The following APP variants were observed in gnomAD, a reference collection of about 807,000 sequenced individuals.
APP encodes amyloid-beta precursor protein.
Under a neutral mutation model 101.4 loss-of-function variants are expected in APP, and 31 were observed. That is an observed-to-expected ratio of 0.31 (90% CI 0.23 to 0.41). The LOEUF is 0.41. Ranked by LOEUF, APP falls within the 10% of genes least tolerant of loss-of-function variation. APP has a pLI of 1.00. For synonymous variants in APP, 366 were observed against 364.4 expected (o/e 1.00, Z -0.05); for missense variants, 839 against 1,003.7 (o/e 0.84, Z 2.22).
intron 2 of APP, among the ~76,000 whole-genome samples, chr21:26,102,103 T>TTC (rs2062072273): frequency 4.0e-5 from 1 of 25,048 alleles, no homozygotes; most frequent in Non-Finnish European, 1.1e-4. Context: ...TTTTTTTTTT[T>TTC]TGGAGCCGGA....
intron 2 of APP, among the ~76,000 whole-genome samples, chr21:26,093,774 A>G (rs2061877385): frequency 6.6e-6 from 1 of 152,182 alleles, no homozygotes; most frequent in Admixed American, 6.5e-5. Context: ...TCTCTCTATA[A>G]CACCAACAAT....
intron 3 of APP, among the ~76,000 whole-genome samples, chr21:26,083,978 C>T (rs536032810): frequency 1.3e-5 from 2 of 152,122 alleles, no homozygotes; most frequent in African/African-American, 2.4e-5. Context: ...AAAGAGGACA[C>T]AATACCAGGT....
intron 17 of APP, among the ~76,000 whole-genome samples, chr21:25,889,453 C>T (rs1404066799): frequency 6.6e-6 from 1 of 152,170 alleles, no homozygotes; most frequent in African/African-American, 2.4e-5. Flanking sequence ...GTTATGGAAG[C>T]CCGAGGAAGC....
intron 1 of APP, among the ~76,000 whole-genome samples, chr21:26,146,544 C>T (rs1030600919): frequency 2.6e-5 from 4 of 152,046 alleles, no homozygotes; most frequent in Non-Finnish European, 4.4e-5. Context: ...TTCTGTTAGA[C>T]ATCCACACTG....
At chr21:25,995,078 CAA>C (rs959847586) in intron 8 of APP, among the ~76,000 whole-genome samples, 3 of 151,474 alleles carry the variant, frequency 2.0e-5, no homozygotes, top group Non-Finnish European at 2.9e-5. Flanking sequence ...GAGAAAATTA[CAA>C]AAGAGACTTT....
chr21:26,051,101 G>T lies in APP; in HGVS notation c.561C>A (p.Cys187Ter). 1 of 1,614,132 alleles carries T rather than the reference G, an allele frequency of 6.2e-7. No homozygotes were observed. Among genetic ancestry groups the T allele is most frequent in the Non-Finnish European group, 8.5e-7 (1 of 1,180,040 alleles). ...CATTGTCACTTTCTTCAGCCAGTGGGCAACACACAAACTCTACCCCTCGGA... is the reference window on the plus strand; with the variant it reads ...CATTGTCACTTTCTTCAGCCAGTGGTCAACACACAAACTCTACCCCTCGGA... ...DKFRGVEFVC[C>*]PLAEESDNVD... The change falls in exon 5 of 18, where the codon TGC becomes TGA. Residue 187 changes from cysteine to a stop codon, truncating the protein, a stop_gained. Transcript: ENST00000346798. LOFTEE classifies it high-confidence loss of function.
intron 1 of APP, among the ~76,000 whole-genome samples, chr21:26,161,496 T>C (rs752428921): frequency 3.3e-5 from 5 of 152,174 alleles, no homozygotes; most frequent in African/African-American, 4.8e-5. Context: ...CTCGAAAATA[T>C]TTGTGAAATG....
chr21:26,105,665 A>G (rs1282605013), intron 2 of APP, among the ~76,000 whole-genome samples: 1 of 152,220 alleles, frequency 6.6e-6, no homozygotes, highest in Non-Finnish European at 1.5e-5. Context: ...AAGATCCTGA[A>G]ATATCTATAA....
chr21:26,007,443 TTA>T (rs1232879333), intron 6 of APP, among the ~76,000 whole-genome samples: 2 of 147,464 alleles, frequency 1.4e-5, no homozygotes, highest in Admixed American at 6.8e-5. Flanking sequence ...TATTTATAAA[TTA>T]TATATTATAT....
chr21:26,166,877 A>T (rs920688787), intron 1 of APP, among the ~76,000 whole-genome samples: 7 of 89,692 alleles, frequency 7.8e-5, no homozygotes, highest in African/African-American at 5.5e-4. Flanking sequence ...CAAGTGAGAG[A>T]GAGAGAGAGA....
rs189622852 is a variant in APP, at chr21:26,058,819, C to T, written c.356-5471G>A. The stretch of plus-strand genomic sequence containing the variant: ...ACATTAGGCCGGGCGCGGTGGCTCA[C>T]GCCTGTAATCCCAGCACTTTGGGAG... On this transcript the variant is annotated intron_variant, in intron 3 of 17. Coordinates refer to ENST00000346798, the MANE Select transcript of APP (RefSeq NM_000484.4). Among the ~76,000 whole-genome samples the T allele has an allele frequency of 2.6e-3, 396 of 152,216 alleles. 2 individuals carry two copies. Among genetic ancestry groups the T allele is most frequent in the Non-Finnish European group, 3.9e-3 (264 of 67,984 alleles).
chr21:26,054,637 T>G (rs1228211325), intron 3 of APP, among the ~76,000 whole-genome samples: 5 of 146,532 alleles, frequency 3.4e-5, no homozygotes, highest in Non-Finnish European at 6.0e-5. Context: ...TTTTTTTTTT[T>G]TTTTTTTTAA....
chr21:26,075,301 C>T (rs1442764985), intron 3 of APP, among the ~76,000 whole-genome samples: 2 of 152,138 alleles, frequency 1.3e-5, no homozygotes, highest in Non-Finnish European at 2.9e-5. Flanking sequence ...GCAATTATTT[C>T]CCAATGTTTG....
At chr21:26,001,327 C>T (rs1413234731) in intron 6 of APP, among the ~76,000 whole-genome samples, 1 of 152,154 alleles carries the variant, frequency 6.6e-6, no homozygotes, top group Non-Finnish European at 1.5e-5. Flanking sequence ...ATGTATATCC[C>T]ATTTTTATTG....
At chr21:25,963,102 C>T (rs941736741) in intron 11 of APP, among the ~76,000 whole-genome samples, 6 of 152,200 alleles carry the variant, frequency 3.9e-5, no homozygotes, top group African/African-American at 1.4e-4. Context: ...GCGTGAGCCA[C>T]CGCCCCTGGT....
intron 14 of APP, among the ~76,000 whole-genome samples, chr21:25,910,306 ATT>A: frequency 1.3e-5 from 2 of 151,712 alleles, no homozygotes; most frequent in Non-Finnish European, 2.9e-5. Context: ...TTTTTTTTGT[ATT>A]TTTAGTACAG....
At chr21:26,080,800 C>G (rs113461205) in intron 3 of APP, among the ~76,000 whole-genome samples, 2 of 151,420 alleles carry the variant, frequency 1.3e-5, no homozygotes, top group African/African-American at 4.9e-5. Context: ...AAAAATCCTG[C>G]TTTCCAAAGA....
rs58816061 is a variant in APP, at chr21:26,163,239, C to CA, written c.57+7324dup. Among the ~76,000 whole-genome samples the CA allele has an allele frequency of 5.6e-3, 328 of 58,798 alleles. 9 individuals are homozygous for CA. Among genetic ancestry groups the CA allele is most frequent in the Non-Finnish European group, 8.0e-3 (254 of 31,716 alleles). 38.6% of individuals were successfully genotyped at this position (58,798 alleles called of 152,430 possible). Reference sequence around the variant, plus strand: ...TGGGTGACACAGTAAAACTCAGTCTCAAAAAAAAAAAAAAAAAAAAAAAAA... The same window carrying CA: ...TGGGTGACACAGTAAAACTCAGTCTCAAAAAAAAAAAAAAAAAAAAAAAAAA... On this transcript the variant is annotated intron_variant, in intron 1 of 17. Transcript: ENST00000346798.
At chr21:25,906,131 G>A (rs1006690341) in intron 14 of APP, among the ~76,000 whole-genome samples, 1 of 152,214 alleles carries the variant, frequency 6.6e-6, no homozygotes, top group African/African-American at 2.4e-5. Context: ...TCAAAGGTGG[G>A]ATTCTCAGTC....
Sources: allele counts gnomAD v4.1 joint callset (sites outside exome capture counted in the v4.1 genomes callset), GRCh38; gene constraint gnomAD v4.1.1; transcripts MANE v1.5; gene names NCBI Gene and HGNC (gene_info 2026-07-23, HGNC 2026-07-21).